TAFA5: variants seen among roughly 807,000 people sequenced by gnomAD.
The protein encoded by TAFA5 is chemokine-like protein TAFA-5.
A neutral mutation model predicts 15.3 loss-of-function variants in TAFA5; 6 were observed. That is an observed-to-expected ratio of 0.39 (90% CI 0.21 to 0.77). The LOEUF is 0.77. Ranked by LOEUF, TAFA5 falls within the 30% of genes least tolerant of loss-of-function variation. TAFA5 has a pLI of 0.41. For synonymous variants in TAFA5, 103 were observed against 80.7 expected, an observed-to-expected ratio of 1.28 and a Z score of -1.48; for missense variants, 161 against 193.1, an observed-to-expected ratio of 0.83 and a Z score of 0.98.
At chr22:48,603,666 C>G (rs769503530) in intron 1 of TAFA5, among the ~76,000 whole-genome samples, 2 of 152,220 alleles carry the variant, frequency 1.3e-5, no homozygotes, top group Non-Finnish European at 2.9e-5. Context: ...TCTTCCCCAA[C>G]CAGCCCACAG....
chr22:48,691,818 G>A (rs1245020075), intron 2 of TAFA5, among the ~76,000 whole-genome samples: 1 of 152,242 alleles, frequency 6.6e-6, no homozygotes, highest in Admixed American at 6.5e-5. Flanking sequence ...GCGAGGTGCT[G>A]CCTGTGGAGA....
intron 1 of TAFA5, among the ~76,000 whole-genome samples, chr22:48,540,311 T>G (rs1601564809): frequency 1.4e-5 from 2 of 147,756 alleles, no homozygotes; most frequent in African/African-American, 5.0e-5. Flanking sequence ...TGGGGGGAGG[T>G]GGATCCCCTG....
chr22:48,615,111 C>T (rs930406733), intron 1 of TAFA5, among the ~76,000 whole-genome samples: 7 of 152,216 alleles, frequency 4.6e-5, no homozygotes, highest in Admixed American at 4.6e-4. Context: ...GACGCCCCTT[C>T]AGGAGCCACC....
chr22:48,499,422 A>C (rs1184353079), intron 1 of TAFA5, among the ~76,000 whole-genome samples: 6 of 152,138 alleles, frequency 3.9e-5, no homozygotes, highest in Admixed American at 2.0e-4. Flanking sequence ...ATTTCTCCCC[A>C]GGAAGTTCTG....
At chr22:48,713,808 G>A in intron 3 of TAFA5, among the ~76,000 whole-genome samples, 1 of 152,206 alleles carries the variant, frequency 6.6e-6, no homozygotes, top group East Asian at 1.9e-4. Flanking sequence ...CTGGAGGAGG[G>A]GCCCATCCCA....
At chr22:48,491,425 TG>T (rs1352267987) in intron 1 of TAFA5, among the ~76,000 whole-genome samples, 1 of 151,904 alleles carries the variant, frequency 6.6e-6, no homozygotes, top group Admixed American at 6.6e-5. Context: ...CAGCAGTGTT[TG>T]GGGAGGGGCT....
chr22:48,719,682 C>T (rs1929511178), intron 3 of TAFA5, among the ~76,000 whole-genome samples: 1 of 152,194 alleles, frequency 6.6e-6, no homozygotes, highest in African/African-American at 2.4e-5. Context: ...GGACCCGCAC[C>T]TAACTAATCT....
At chr22:48,514,612 C>T (rs968058851) in intron 1 of TAFA5, among the ~76,000 whole-genome samples, 2 of 152,094 alleles carry the variant, frequency 1.3e-5, no homozygotes, top group Admixed American at 1.3e-4. Flanking sequence ...ATAAGCCGGG[C>T]AGCATGGAGA....
chr22:48,635,212 C>T (rs1210688341), intron 1 of TAFA5, among the ~76,000 whole-genome samples: 1 of 152,226 alleles, frequency 6.6e-6, no homozygotes, highest in Non-Finnish European at 1.5e-5. Context: ...CTGTCCCAAG[C>T]CAGCCAGGGC....
At chr22:48,501,266 A>G (rs1460064115) in intron 1 of TAFA5, among the ~76,000 whole-genome samples, 1 of 152,152 alleles carries the variant, frequency 6.6e-6, no homozygotes, top group African/African-American at 2.4e-5. Context: ...GGCACCGGGC[A>G]CCTTGAGTCA....
At chr22:48,739,262 T>A (rs1930113891) in intron 3 of TAFA5, among the ~76,000 whole-genome samples, 1 of 152,208 alleles carries the variant, frequency 6.6e-6, no homozygotes, top group South Asian at 2.1e-4. Context: ...TTAAATTAAA[T>A]ATTTTTTTTT....
intron 1 of TAFA5, among the ~76,000 whole-genome samples, chr22:48,556,941 T>G (rs1480317395): frequency 1.3e-5 from 2 of 152,170 alleles, no homozygotes; most frequent in African/African-American, 4.8e-5. Flanking sequence ...CCCGCCTGCT[T>G]GGTCCTGGGA....
intron 1 of TAFA5, among the ~76,000 whole-genome samples, chr22:48,520,687 T>TTGGCTTA (rs1256790819): frequency 3.3e-5 from 5 of 152,078 alleles, no homozygotes; most frequent in Non-Finnish European, 7.4e-5. Context: ...GTGGCCTGAC[T>TTGGCTTA]TGGCTTAATG....
At chr22:48,703,723 T>C (rs1928989693) in intron 2 of TAFA5, among the ~76,000 whole-genome samples, 1 of 152,224 alleles carries the variant, frequency 6.6e-6, no homozygotes, top group Admixed American at 6.5e-5. Flanking sequence ...AGCTCGGTAG[T>C]GAAGGATTTG....
intron 1 of TAFA5, among the ~76,000 whole-genome samples, chr22:48,585,102 G>GCACA (rs750045339): frequency 1.0e-5 from 1 of 99,736 alleles, no homozygotes; most frequent in Non-Finnish European, 2.1e-5. Context: ...CACACACCAC[G>GCACA]CACACACACA....
intron 1 of TAFA5, among the ~76,000 whole-genome samples, chr22:48,555,276 G>A (rs1261369767): frequency 6.6e-6 from 1 of 152,228 alleles, no homozygotes; most frequent in Non-Finnish European, 1.5e-5. Context: ...TTCCTAAGCG[G>A]CACGACCGGC....
chr22:48,599,376 G>A (rs1924881112), intron 1 of TAFA5, among the ~76,000 whole-genome samples: 1 of 152,248 alleles, frequency 6.6e-6, no homozygotes, highest in South Asian at 2.1e-4. Context: ...CTGGGACAGA[G>A]ACTGAACGTG....
intron 1 of TAFA5, chr22:48,576,275 C>G (rs1193955510): frequency 1.3e-6 from 1 of 782,552 alleles, no homozygotes; most frequent in East Asian, 4.6e-5. Context: ...GCGCCCCCCT[C>G]CCCCCGCCCG....
At chr22:48,562,208 G>A (rs1366682860) in intron 1 of TAFA5, among the ~76,000 whole-genome samples, 1 of 152,072 alleles carries the variant, frequency 6.6e-6, no homozygotes, top group Admixed American at 6.6e-5. Flanking sequence ...CGCCATCTCA[G>A]CTCACTGCAA....
Sources: gnomAD v4.1 joint callset for allele counts (sites outside exome capture counted in the v4.1 genomes callset) on GRCh38, gnomAD v4.1.1 for gene constraint, MANE v1.5 for transcripts, NCBI Gene and HGNC (gene_info 2026-07-23, HGNC 2026-07-21) for gene names.